SCMH1: variants seen among roughly 807,000 people sequenced by gnomAD.
The protein encoded by SCMH1 is Scm polycomb group protein homolog 1, also known as polycomb protein SCMH1.
A neutral mutation model predicts 70.8 loss-of-function variants in SCMH1; 37 were observed. The observed-to-expected ratio is 0.52, with a 90% CI of 0.40 to 0.69. The LOEUF (loss-of-function observed/expected upper bound fraction) is 0.69. SCMH1 is among the 30% of genes least tolerant of loss of function. SCMH1 has a pLI of 0.00. For synonymous variants in SCMH1, 292 were observed against 307.4 expected, an observed-to-expected ratio of 0.95 and a Z score of 0.52; for missense variants, 607 against 827.3, an observed-to-expected ratio of 0.73 and a Z score of 3.27.
Position 41,039,479 on chromosome 1 carries a change from CT to C in SCMH1, c.1499-1939del, listed in dbSNP as rs35830007. On this transcript the variant is annotated intron_variant, in intron 12 of 14. Transcript: ENST00000337495. ...GTGCCAGAAAAGAAGATTGCAAATA[CT>C]TTTTTTTTTTTTTGAGACAGAGTCT... Among the ~76,000 whole-genome samples the C allele has an allele frequency of 8.3e-3, 1,200 of 145,234 alleles. 14 individuals carry two copies. The highest frequency in any genetic ancestry group is 0.023 in the African/African-American group (920 of 39,744).
At chr1:41,212,071 GT>G (rs1451020371) in intron 1 of SCMH1, among the ~76,000 whole-genome samples, 1 of 152,098 alleles carries the variant, frequency 6.6e-6, no homozygotes, top group Non-Finnish European at 1.5e-5. Context: ...ATGTAAATGA[GT>G]TGATGGGTGC....
At chr1:41,103,122 A>G (rs1465253234) in intron 8 of SCMH1, among the ~76,000 whole-genome samples, 1 of 151,760 alleles carries the variant, frequency 6.6e-6, no homozygotes, top group Non-Finnish European at 1.5e-5. Context: ...TAGGGAATCA[A>G]GGGAAGAAAA....
At chr1:41,152,811 C>T (rs1645184428) in intron 4 of SCMH1, 3 of 1,394,824 alleles carry the variant, frequency 2.2e-6, no homozygotes, top group Non-Finnish European at 2.9e-6. Flanking sequence ...AGACTTTACA[C>T]TCTATTTATT....
chr1:41,106,024 GC>G (rs1667816935), intron 8 of SCMH1, among the ~76,000 whole-genome samples: 2 of 151,406 alleles, frequency 1.3e-5, no homozygotes, highest in African/African-American at 4.9e-5. Context: ...ACAGGTGCAC[GC>G]CACCATGCCC....
intron 6 of SCMH1, among the ~76,000 whole-genome samples, chr1:41,138,128 G>A (rs957494332): frequency 1.6e-4 from 25 of 152,038 alleles, no homozygotes; most frequent in African/African-American, 6.0e-4. Context: ...TGCTGAAAAC[G>A]ATTTCAGTAT....
chr1:41,104,264 T>A (rs925154979), intron 8 of SCMH1, among the ~76,000 whole-genome samples: 2 of 152,248 alleles, frequency 1.3e-5, no homozygotes, highest in East Asian at 3.9e-4. Context: ...TGTGGATAGA[T>A]AGGTGAATAA....
intron 2 of SCMH1, among the ~76,000 whole-genome samples, chr1:41,169,610 ATCAGGGTGGTG>A (rs1158351778): frequency 6.6e-6 from 1 of 152,032 alleles, no homozygotes; most frequent in Non-Finnish European, 1.5e-5. Context: ...ACATACGCCT[ATCAGGGTGGTG>A]TCAGGTTAAT....
rs539992824 is a variant in SCMH1, at chr1:41,034,386, G to A, written c.1678+2976C>T. On this transcript the variant is annotated intron_variant, in intron 13 of 14. Transcript: ENST00000337495. ...TCTGTCCCCCAGGCTGGAGTGCAGTGGCGTGATCTCGGCTCACTGCAAACT... is the reference window on the plus strand; with the variant it reads ...TCTGTCCCCCAGGCTGGAGTGCAGTAGCGTGATCTCGGCTCACTGCAAACT... Among the ~76,000 whole-genome samples, 7 of 151,262 alleles carry A rather than the reference G, an allele frequency of 4.6e-5. No individual in the cohort carries two copies. The East Asian group carries it at 1.2e-3, about 25-fold the overall frequency.
chr1:41,146,102 T>C (rs1644532773), intron 5 of SCMH1, among the ~76,000 whole-genome samples: 3 of 152,090 alleles, frequency 2.0e-5, no homozygotes, highest in African/African-American at 7.2e-5. Flanking sequence ...TAACTGTCCC[T>C]GAAGACCTTC....
At chr1:41,091,849 C>A (rs1663617495) in intron 8 of SCMH1, among the ~76,000 whole-genome samples, 1 of 152,106 alleles carries the variant, frequency 6.6e-6, no homozygotes, top group African/African-American at 2.4e-5. Flanking sequence ...GAACTACAAA[C>A]CACTGCTCAA....
chr1:41,222,766 T>C (rs1174651717), intron 1 of SCMH1, among the ~76,000 whole-genome samples: 1 of 152,146 alleles, frequency 6.6e-6, no homozygotes, highest in Admixed American at 6.5e-5. Context: ...CCTAGGCAGG[T>C]AATCTAAACA....
exon 15 of SCMH1, chr1:41,027,998 C>T: frequency 1.6e-6 from 1 of 628,092 alleles, no homozygotes; most frequent in African/African-American, 1.8e-5. Flanking sequence ...CCTGGACCCC[C>T]ACTCTCCCTC....
chr1:41,221,092 C>T (rs576448734), intron 1 of SCMH1, among the ~76,000 whole-genome samples: 1 of 152,298 alleles, frequency 6.6e-6, no homozygotes, highest in Admixed American at 6.5e-5. Context: ...ACCATTATCA[C>T]TATTATTACC....
At chr1:41,179,564 C>T (rs1223136905) in intron 2 of SCMH1, among the ~76,000 whole-genome samples, 1 of 152,148 alleles carries the variant, frequency 6.6e-6, no homozygotes, top group Non-Finnish European at 1.5e-5. Context: ...CACAAACTAC[C>T]ATCAGAGAAT....
Position 41,046,766 on chromosome 1 carries a change from T to G in SCMH1, c.1307-168A>C, listed in dbSNP as rs570834367. On this transcript the variant is annotated intron_variant, in intron 11 of 14. Transcript: ENST00000337495. ...CCTTTAACTCCCTCCCTCGAGGGCT[T>G]TGATTTTTGCCTCCAACTGTAAAGG... 7.8e-4 allele frequency: 472 copies of G among 608,644 alleles called. 7 individuals are homozygous for G. Among genetic ancestry groups the G allele is most frequent in the South Asian group, 6.9e-3 (331 of 48,102 alleles). The allele number at this position is 608,644 out of a possible 1,614,324, so 37.7% of individuals were successfully genotyped here.
chr1:41,126,713 C>CA (rs1339147257), intron 6 of SCMH1, among the ~76,000 whole-genome samples: 12 of 152,172 alleles, frequency 7.9e-5, no homozygotes, highest in South Asian at 2.1e-4. Flanking sequence ...GAAATCACTC[C>CA]ATATTAGTTT....
chr1:41,113,571 C>T lies in SCMH1; in HGVS notation c.502-45G>A, dbSNP rs1557498064. The T allele has an allele frequency of 2.6e-6, 4 of 1,564,270 alleles. No individual in the cohort carries two copies. The highest frequency in any genetic ancestry group is 3.5e-6 in the Non-Finnish European group (4 of 1,157,668). Reference sequence around the variant, plus strand: ...ATACACACCTAGACACAAAGAGAGGCCATTATGCCAATAGACTACTATCTA... The same window carrying T: ...ATACACACCTAGACACAAAGAGAGGTCATTATGCCAATAGACTACTATCTA... On this transcript the variant is annotated intron_variant, in intron 7 of 14. Transcript: ENST00000337495. This position sits in a 1 kb window ranked among gnomAD's most constrained non-coding sequence, Gnocchi z 4.3.
intron 1 of SCMH1, among the ~76,000 whole-genome samples, chr1:41,191,352 A>G (rs979172561): frequency 1.3e-5 from 2 of 152,242 alleles, no homozygotes; most frequent in Admixed American, 6.5e-5. Context: ...TGTAAATGAA[A>G]TTTTTTATTA....
chr1:41,159,929 C>T (rs1645877552), intron 4 of SCMH1: 1 of 819,514 alleles, frequency 1.2e-6, no homozygotes, highest in African/African-American at 1.8e-5. Context: ...ATCTTCTTTA[C>T]AACCCTGTGA....
Sources: allele counts gnomAD v4.1 joint callset (sites outside exome capture counted in the v4.1 genomes callset), GRCh38; gene constraint gnomAD v4.1.1; non-coding constraint Gnocchi (gnomAD v3.1); transcripts MANE v1.5; gene names NCBI Gene and HGNC (gene_info 2026-07-23, HGNC 2026-07-21).